Variants in XKR6 observed in about 807,000 individuals in gnomAD.
XKR6 encodes XK-related protein 6.
In XKR6, 22 loss-of-function variants were observed where a neutral mutation model predicts 56.7. The ratio of observed to expected loss-of-function variants is 0.39; its 90% CI spans 0.28 to 0.55. The LOEUF is 0.55. Ranked by LOEUF, XKR6 falls within the 20% of genes least tolerant of loss-of-function variation. The probability of loss-of-function intolerance (pLI) is 0.66; values close to 1 mark genes in which losing one functional copy is unlikely to be tolerated. For synonymous variants in XKR6, 524 were observed against 387.8 expected (o/e 1.35, Z -4.13); for missense variants, 852 against 889.0 (o/e 0.96, Z 0.53).
intron 1 of XKR6, among the ~76,000 whole-genome samples, chr8:10,985,567 G>C (rs527354692): frequency 6.8e-6 from 1 of 147,604 alleles, no homozygotes; most frequent in Admixed American, 6.8e-5. Flanking sequence ...ACTTACTCTT[G>C]CTGATGACAG....
intron 2 of XKR6, among the ~76,000 whole-genome samples, chr8:10,911,824 T>C (rs1800380213): frequency 2.0e-5 from 3 of 150,082 alleles, no homozygotes; most frequent in Admixed American, 6.7e-5. Context: ...AGAGGGTGAG[T>C]ATGTGTATAT....
intron 1 of XKR6, among the ~76,000 whole-genome samples, chr8:11,030,155 C>A (rs544332522): frequency 1.1e-4 from 16 of 152,324 alleles, no homozygotes; most frequent in Admixed American, 9.1e-4. Flanking sequence ...GCTCAGTCCA[C>A]CCCCTCTCTG....
At chr8:11,086,135 T>A (rs1338092836) in intron 1 of XKR6, among the ~76,000 whole-genome samples, 3 of 114,696 alleles carry the variant, frequency 2.6e-5, no homozygotes, top group South Asian at 2.7e-4. Context: ...AAAAAGAAAA[T>A]ATATATATAT....
chr8:10,983,907 G>A (rs1428640204), intron 1 of XKR6, among the ~76,000 whole-genome samples: 1 of 151,986 alleles, frequency 6.6e-6, no homozygotes, highest in African/African-American at 2.4e-5. Flanking sequence ...CGCCTGCCTT[G>A]GCCTCCCAAA....
intron 2 of XKR6, among the ~76,000 whole-genome samples, chr8:10,914,931 G>A (rs975248107): frequency 6.6e-6 from 1 of 152,182 alleles, no homozygotes; most frequent in Middle Eastern, 3.2e-3. Flanking sequence ...TCTTTCTCAG[G>A]ACACTGTCCT....
At chr8:11,127,924 C>T (rs1275219722) in intron 1 of XKR6, among the ~76,000 whole-genome samples, 1 of 152,166 alleles carries the variant, frequency 6.6e-6, no homozygotes, top group Non-Finnish European at 1.5e-5. Flanking sequence ...ATTTTGAACA[C>T]TGTTACCTAA....
At chr8:11,087,224 T>C (rs1797919586) in intron 1 of XKR6, among the ~76,000 whole-genome samples, 1 of 152,186 alleles carries the variant, frequency 6.6e-6, no homozygotes, top group East Asian at 1.9e-4. Context: ...AGTCTACCCT[T>C]GGAGGAGGCA....
At position 11,163,015 on chromosome 8, in the gene XKR6, G is replaced by A. The variant is rs1047605487; in HGVS notation, c.764+37561C>T. Among the ~76,000 whole-genome samples the A allele has an allele frequency of 7.9e-5, 12 of 152,302 alleles. No homozygotes were observed. In the South Asian group the frequency reaches 1.2e-3, roughly 16 times the overall value. On this transcript the variant is annotated intron_variant, in intron 1 of 2. Coordinates refer to ENST00000416569, the MANE Select transcript of XKR6 (RefSeq NM_173683.4). Reference sequence around the variant, plus strand: ...AAAAAGAAAACAGCTCTTCTTTAAAGAGAAACAGGTTATTTTATCCAATTG... The same window carrying A: ...AAAAAGAAAACAGCTCTTCTTTAAAAAGAAACAGGTTATTTTATCCAATTG...
intron 1 of XKR6, among the ~76,000 whole-genome samples, chr8:11,092,433 G>A (rs995490323): frequency 3.3e-5 from 5 of 152,288 alleles, no homozygotes; most frequent in South Asian, 2.1e-4. Context: ...CAGCCCAAAT[G>A]GAACACTTTG....
chr8:11,186,637 T>C (rs1392103531), intron 1 of XKR6, among the ~76,000 whole-genome samples: 1 of 152,160 alleles, frequency 6.6e-6, no homozygotes, highest in African/African-American at 2.4e-5. Flanking sequence ...ACCTTGGCCT[T>C]GCAAAGTGGT....
chr8:10,981,508 T>A (rs764876160), intron 1 of XKR6, among the ~76,000 whole-genome samples: 2 of 152,194 alleles, frequency 1.3e-5, no homozygotes, highest in African/African-American at 2.4e-5. Context: ...TGAATTCCAC[T>A]AACAAAGACA....
intron 1 of XKR6, among the ~76,000 whole-genome samples, chr8:10,990,954 G>C (rs1203035300): frequency 6.9e-6 from 1 of 144,292 alleles, no homozygotes; most frequent in Non-Finnish European, 1.5e-5. Context: ...CCAGGCTGGA[G>C]TGCAATGGCA....
intron 1 of XKR6, among the ~76,000 whole-genome samples, chr8:11,166,196 CCA>C (rs1802062091): frequency 6.6e-6 from 1 of 152,106 alleles, no homozygotes; most frequent in Non-Finnish European, 1.5e-5. Context: ...AGGAAAAAGA[CCA>C]TTGAACTATC....
chr8:11,076,581 T>G (rs1339660985), intron 1 of XKR6, among the ~76,000 whole-genome samples: 1 of 152,136 alleles, frequency 6.6e-6, no homozygotes, highest in Non-Finnish European at 1.5e-5. Context: ...CTCTCTAAAT[T>G]TCAATTTTCT....
At chr8:11,025,823 A>C (rs1359573966) in intron 1 of XKR6, among the ~76,000 whole-genome samples, 2 of 152,132 alleles carry the variant, frequency 1.3e-5, no homozygotes, top group African/African-American at 2.4e-5. Flanking sequence ...AGCACTGCCT[A>C]TGTGTATATA....
At chr8:10,923,442 T>C (rs1800783889) in intron 2 of XKR6, among the ~76,000 whole-genome samples, 1 of 152,204 alleles carries the variant, frequency 6.6e-6, no homozygotes. Flanking sequence ...GGCGAGCCTG[T>C]CAGCAGCACA....
chr8:11,194,874 G>C (rs1461795382), intron 1 of XKR6: 1 of 468,536 alleles, frequency 2.1e-6, no homozygotes, highest in East Asian at 3.7e-5. Flanking sequence ...TTGACACTTT[G>C]TTTCTGGATC....
intron 2 of XKR6, 146 bp from the exon 3 acceptor site, chr8:10,899,062 G>A (rs1799965762): frequency 7.9e-7 from 1 of 1,272,444 alleles, no homozygotes; most frequent in Admixed American, 2.6e-5. Flanking sequence ...ACCGAACTTG[G>A]AGGTCACAGC....
intron 1 of XKR6, among the ~76,000 whole-genome samples, chr8:11,010,710 G>A (rs980048701): frequency 2.6e-5 from 4 of 151,680 alleles, no homozygotes; most frequent in South Asian, 2.1e-4. Context: ...TCCAAGATTC[G>A]TGCTTTCCAT....
Sources: gnomAD v4.1 joint callset for allele counts (sites outside exome capture counted in the v4.1 genomes callset) on GRCh38, gnomAD v4.1.1 for gene constraint, MANE v1.5 for transcripts, NCBI Gene and HGNC (gene_info 2026-07-23, HGNC 2026-07-21) for gene names.